The following PBX1 variants were observed in gnomAD, a reference collection of about 807,000 sequenced individuals.
PBX1 encodes the protein PBX homeobox 1.
In PBX1, 6 loss-of-function variants were observed where a neutral mutation model predicts 53.4. The observed-to-expected ratio is 0.11, with a 90% CI of 0.06 to 0.22. The LOEUF (loss-of-function observed/expected upper bound fraction) is 0.22. PBX1 is among the 10% of genes least tolerant of loss of function. PBX1 has a pLI of 1.00. For synonymous variants in PBX1, 204 were observed against 212.3 expected (o/e 0.96, Z 0.34); for missense variants, 251 against 551.4 (o/e 0.46, Z 5.46).
intron 5 of PBX1, among the ~76,000 whole-genome samples, chr1:164,811,548 A>G (rs1669611824): frequency 6.6e-6 from 1 of 152,244 alleles, no homozygotes; most frequent in South Asian, 2.1e-4. Flanking sequence ...CAATTAATCT[A>G]TCACACGAAA....
intron 2 of PBX1, among the ~76,000 whole-genome samples, chr1:164,878,943 A>G (rs973851169): frequency 1.1e-4 from 16 of 152,210 alleles, no homozygotes; most frequent in African/African-American, 3.9e-4. Flanking sequence ...TTCTGGAAGC[A>G]TAGGAGAAAC....
intron 8 of PBX1, among the ~76,000 whole-genome samples, chr1:164,843,935 T>C (rs1671428266): frequency 6.6e-6 from 1 of 152,124 alleles, no homozygotes. Flanking sequence ...TATTGTTATC[T>C]TAATGGAATT....
chr1:164,827,284 T>C (rs1217981934), intron 8 of PBX1, among the ~76,000 whole-genome samples: 1 of 152,226 alleles, frequency 6.6e-6, no homozygotes, highest in Non-Finnish European at 1.5e-5. Flanking sequence ...TGAAAACTCA[T>C]GTTAATTATA....
At chr1:164,625,897 A>C in intron 2 of PBX1, 3 of 1,017,474 alleles carry the variant, frequency 2.9e-6, no homozygotes, top group Non-Finnish European at 3.5e-6. Context: ...TCTATTCTGC[A>C]TAATAGGTCT....
intron 2 of PBX1, among the ~76,000 whole-genome samples, chr1:164,707,973 C>T (rs1298933562): frequency 6.6e-6 from 1 of 152,230 alleles, no homozygotes. Context: ...AGGTCCATGG[C>T]AGGCTAGACT....
At chr1:164,871,666 A>G (rs971306161) in intron 2 of PBX1, among the ~76,000 whole-genome samples, 1 of 152,106 alleles carries the variant, frequency 6.6e-6, no homozygotes, top group Non-Finnish European at 1.5e-5. Context: ...TGTTTTGCCA[A>G]ATCTGCATCC....
intron 2 of PBX1, among the ~76,000 whole-genome samples, chr1:164,710,907 C>T (rs1663727138): frequency 6.6e-6 from 1 of 152,146 alleles, no homozygotes; most frequent in Non-Finnish European, 1.5e-5. Context: ...GATGGCTTAC[C>T]TTCCTCCAAG....
At chr1:164,663,192 T>TCCTTCCTGCCTTCCTTCCTGCCTTCCTG in intron 2 of PBX1, among the ~76,000 whole-genome samples, 3 of 149,820 alleles carry the variant, frequency 2.0e-5, no homozygotes, top group Non-Finnish European at 3.0e-5. Context: ...CTTCCTGTCT[T>TCCTTCCTGCCTTCCTTCCTGCCTTCCTG]CCTTCCTGCC....
intron 2 of PBX1, among the ~76,000 whole-genome samples, chr1:164,625,070 A>G (rs1657947224): frequency 1.3e-5 from 2 of 152,220 alleles, no homozygotes; most frequent in South Asian, 4.1e-4. Context: ...ATGTTACACC[A>G]TGTAGAAACA....
At chr1:164,815,884 AG>A (rs1669858432) in intron 6 of PBX1, 1 of 152,118 alleles carries the variant, frequency 6.6e-6, no homozygotes, top group South Asian at 2.1e-4. Context: ...CCCTAAAAAG[AG>A]GTTTGGTGTT....
intron 2 of PBX1, among the ~76,000 whole-genome samples, chr1:164,577,630 A>G (rs1654343994): frequency 6.6e-6 from 1 of 152,214 alleles, no homozygotes; most frequent in Non-Finnish European, 1.5e-5. Flanking sequence ...GTGCTTGCTT[A>G]TTATTGCTCT....
At chr1:164,857,580 T>G (rs1672006829) in intron 2 of PBX1, among the ~76,000 whole-genome samples, 1 of 152,190 alleles carries the variant, frequency 6.6e-6, no homozygotes. Flanking sequence ...TTTAATCAAG[T>G]CTTGTTCTTT....
At chr1:164,597,888 A>G (rs1344288923) in intron 2 of PBX1, among the ~76,000 whole-genome samples, 2 of 152,156 alleles carry the variant, frequency 1.3e-5, no homozygotes, top group African/African-American at 2.4e-5. Flanking sequence ...GAGTTCCCCA[A>G]TTCCTGGGTT....
At chr1:164,717,458 C>A (rs1272578581) in intron 2 of PBX1, among the ~76,000 whole-genome samples, 1 of 152,098 alleles carries the variant, frequency 6.6e-6, no homozygotes, top group Non-Finnish European at 1.5e-5. Context: ...CCCTTCCCCT[C>A]CCAGACTGAG....
intron 2 of PBX1, among the ~76,000 whole-genome samples, chr1:164,584,214 A>G (rs759826756): frequency 6.6e-6 from 1 of 152,174 alleles, no homozygotes; most frequent in Non-Finnish European, 1.5e-5. Flanking sequence ...AATTATTTCC[A>G]AAAGCCAAGT....
intron 2 of PBX1, among the ~76,000 whole-genome samples, chr1:164,751,361 CT>C (rs1275452051): frequency 2.6e-5 from 4 of 151,080 alleles, no homozygotes; most frequent in Non-Finnish European, 5.9e-5. Flanking sequence ...TACTCTCAGT[CT>C]TTTATGAATG....
intron 2 of PBX1, among the ~76,000 whole-genome samples, chr1:164,666,662 A>G (rs912094413): frequency 6.6e-6 from 1 of 152,200 alleles, no homozygotes; most frequent in African/African-American, 2.4e-5. Flanking sequence ...CTATGGGCCT[A>G]GGAGAGGTGC....
intron 2 of PBX1, among the ~76,000 whole-genome samples, chr1:164,618,783 G>A (rs1571079202): frequency 6.6e-6 from 1 of 152,128 alleles, no homozygotes; most frequent in African/African-American, 2.4e-5. Flanking sequence ...AAGGAAGCTG[G>A]CAATTCACAG....
intron 2 of PBX1, among the ~76,000 whole-genome samples, chr1:164,728,319 A>C (rs1230174972): frequency 7.1e-6 from 1 of 141,468 alleles, no homozygotes; most frequent in Admixed American, 7.0e-5. Flanking sequence ...TTGTCTTAAC[A>C]AAAAAAAAAA....
Sources: allele counts gnomAD v4.1 joint callset (sites outside exome capture counted in the v4.1 genomes callset), GRCh38; gene constraint gnomAD v4.1.1; transcripts MANE v1.5; gene names NCBI Gene and HGNC (gene_info 2026-07-23, HGNC 2026-07-21).